CCSER1: variants seen among roughly 807,000 people sequenced by gnomAD.
CCSER1 encodes the protein serine-rich coiled-coil domain-containing protein 1.
A neutral mutation model predicts 82.0 loss-of-function variants in CCSER1; 41 were observed. That is an observed-to-expected ratio of 0.50 (90% CI 0.39 to 0.65). The LOEUF is 0.65. CCSER1 is among the 30% of genes least tolerant of loss of function. The probability of loss-of-function intolerance (pLI) is 0.00; values close to 1 mark genes in which losing one functional copy is unlikely to be tolerated. For synonymous variants in CCSER1, 414 were observed against 383.9 expected (o/e 1.08, Z -0.92); for missense variants, 1,119 against 1,064.2 (o/e 1.05, Z -0.72).
chr4:91,326,547 C>A (rs1385580196), intron 10 of CCSER1, among the ~76,000 whole-genome samples: 5 of 152,138 alleles, frequency 3.3e-5, no homozygotes, highest in Admixed American at 1.3e-4. Flanking sequence ...GAACACAGAA[C>A]CAAATCATAT....
At chr4:90,974,410 A>T (rs1735413096) in intron 9 of CCSER1, among the ~76,000 whole-genome samples, 1 of 151,206 alleles carries the variant, frequency 6.6e-6, no homozygotes, top group Non-Finnish European at 1.5e-5. Flanking sequence ...TGCAATTTTT[A>T]TTTTTTCAAT....
At chr4:91,314,071 G>A (rs556209456) in intron 10 of CCSER1, among the ~76,000 whole-genome samples, 13 of 151,978 alleles carry the variant, frequency 8.6e-5, no homozygotes, top group African/African-American at 2.9e-4. Context: ...ATTCCTTATC[G>A]TTTAGCTTCT....
At chr4:90,434,801 T>C (rs1758785629) in intron 4 of CCSER1, among the ~76,000 whole-genome samples, 1 of 152,216 alleles carries the variant, frequency 6.6e-6, no homozygotes, top group African/African-American at 2.4e-5. Context: ...ATTTTCTATG[T>C]AGGGACAGAC....
At chr4:91,253,949 T>G (rs1740472321) in intron 10 of CCSER1, among the ~76,000 whole-genome samples, 1 of 152,088 alleles carries the variant, frequency 6.6e-6, no homozygotes, top group African/African-American at 2.4e-5. Context: ...TGCTAAACCA[T>G]TTGTGAGAAA....
rs977507717 is a variant in CCSER1 at position 91,041,254 on chromosome 4, A to C, written c.2173-44696A>C. Among the ~76,000 whole-genome samples the C allele has an allele frequency of 3.3e-5, 5 of 152,270 alleles. No homozygotes were observed. In the South Asian group the frequency reaches 1.0e-3, roughly 32 times the overall value. ...TCCCTGACTTAGAAGGTTTTTACACATATCATTTGAATTTTATTTAAAGAG... is the reference window on the plus strand; with the variant it reads ...TCCCTGACTTAGAAGGTTTTTACACCTATCATTTGAATTTTATTTAAAGAG... On this transcript the variant is annotated intron_variant, in intron 9 of 10. Transcript: ENST00000509176.
At chr4:91,511,177 G>C (rs1322839181) in intron 10 of CCSER1, among the ~76,000 whole-genome samples, 3 of 151,900 alleles carry the variant, frequency 2.0e-5, no homozygotes, top group African/African-American at 7.3e-5. Flanking sequence ...CTGTTTCATT[G>C]GTTGATGTCT....
intron 5 of CCSER1, among the ~76,000 whole-genome samples, chr4:90,507,524 A>T (rs1281916876): frequency 3.3e-5 from 5 of 151,802 alleles, no homozygotes; most frequent in Non-Finnish European, 7.4e-5. Flanking sequence ...AGAGATAGAA[A>T]TATATATATA....
intron 9 of CCSER1, among the ~76,000 whole-genome samples, chr4:91,078,028 G>C (rs541661873): frequency 6.6e-6 from 1 of 152,216 alleles, no homozygotes; most frequent in East Asian, 1.9e-4. Flanking sequence ...GGGCATAGCC[G>C]AACAAAAGGC....
chr4:90,418,643 G>A (rs764634074), intron 4 of CCSER1, among the ~76,000 whole-genome samples: 1 of 151,886 alleles, frequency 6.6e-6, no homozygotes, highest in Non-Finnish European at 1.5e-5. Context: ...TCTGTAATTA[G>A]CCATTTTGAT....
chr4:91,002,543 G>T (rs1738126661), intron 9 of CCSER1, among the ~76,000 whole-genome samples: 1 of 152,100 alleles, frequency 6.6e-6, no homozygotes, highest in African/African-American at 2.4e-5. Context: ...CTGTTGCTGA[G>T]AATTTCCAGA....
intron 1 of CCSER1, among the ~76,000 whole-genome samples, chr4:90,301,415 C>G (rs1408004511): frequency 2.0e-5 from 3 of 152,054 alleles, no homozygotes; most frequent in Admixed American, 6.6e-5. Context: ...AATCCTGGTG[C>G]TAAAGAACAA....
chr4:90,541,707 TATTTG>T (rs1198279746), intron 5 of CCSER1, among the ~76,000 whole-genome samples: 1 of 152,124 alleles, frequency 6.6e-6, no homozygotes, highest in Non-Finnish European at 1.5e-5. Context: ...TATGCATATA[TATTTG>T]ATTTATAAAT....
At chr4:91,495,377 C>A (rs1386054157) in intron 10 of CCSER1, among the ~76,000 whole-genome samples, 1 of 151,500 alleles carries the variant, frequency 6.6e-6, no homozygotes, top group Non-Finnish European at 1.5e-5. Context: ...GATATTGCTT[C>A]TTTGATGCTT....
At chr4:91,225,427 T>C (rs1738124112) in intron 10 of CCSER1, among the ~76,000 whole-genome samples, 1 of 145,706 alleles carries the variant, frequency 6.9e-6, no homozygotes, top group African/African-American at 2.5e-5. Flanking sequence ...AAATATACAG[T>C]ATTTCTTAAA....
At chr4:90,780,908 G>A (rs1479221076) in intron 7 of CCSER1, 22 of 570,188 alleles carry the variant, frequency 3.9e-5, no homozygotes, top group Non-Finnish European at 4.2e-5. Context: ...GGTATAATTG[G>A]CCCACAGTTC....
At chr4:91,246,347 C>G (rs114638923) in intron 10 of CCSER1, among the ~76,000 whole-genome samples, 309 of 152,200 alleles carry the variant, frequency 2.0e-3, no homozygotes, top group Non-Finnish European at 3.5e-3. Flanking sequence ...ATTTTAGCCT[C>G]AAATTGAGAA....
intron 9 of CCSER1, among the ~76,000 whole-genome samples, chr4:91,062,321 C>T (rs969332760): frequency 2.6e-5 from 4 of 152,054 alleles, no homozygotes; most frequent in African/African-American, 9.7e-5. Context: ...TTCTATCCTG[C>T]AGCGTGTATC....
Position 90,441,167 on chromosome 4 carries a change from G to A in CCSER1, c.1604-27067G>A, listed in dbSNP as rs1435006642. Among the ~76,000 whole-genome samples the A allele has an allele frequency of 2.0e-5, 3 of 151,998 alleles. No individual in the cohort carries two copies. The East Asian group carries it at 5.8e-4, about 29-fold the overall frequency. On this transcript the variant is annotated intron_variant, in intron 4 of 10. Coordinates refer to ENST00000509176, the MANE Select transcript of CCSER1 (RefSeq NM_001145065.2). ...TTTTAGAATCAGAGTTTCTTTTGGCGGCTTCCTCACGCAAGAAAATCTAGA... is the reference window on the plus strand; with the variant it reads ...TTTTAGAATCAGAGTTTCTTTTGGCAGCTTCCTCACGCAAGAAAATCTAGA...
intron 10 of CCSER1, among the ~76,000 whole-genome samples, chr4:91,215,914 C>T (rs192820732): frequency 2.7e-4 from 41 of 152,254 alleles, no homozygotes; most frequent in Non-Finnish European, 3.5e-4. Flanking sequence ...GCCAAACTCC[C>T]TGAGGACTTG....
Sources: allele counts gnomAD v4.1 joint callset (sites outside exome capture counted in the v4.1 genomes callset), GRCh38; gene constraint gnomAD v4.1.1; transcripts MANE v1.5; gene names NCBI Gene and HGNC (gene_info 2026-07-23, HGNC 2026-07-21).